The following CACNB4 variants were observed in gnomAD, a reference collection of about 807,000 sequenced individuals.
CACNB4 encodes voltage-dependent L-type calcium channel subunit beta-4.
CACNB4 carries 32 observed loss-of-function variants against 71.2 expected under a neutral mutation model. The observed-to-expected ratio is 0.45, with a 90% CI of 0.34 to 0.60. The LOEUF (loss-of-function observed/expected upper bound fraction) is 0.60. CACNB4 is among the 20% of genes least tolerant of loss of function. CACNB4 has a pLI of 0.01. For synonymous variants in CACNB4, 231 were observed against 236.9 expected (o/e 0.97, Z 0.23); for missense variants, 464 against 647.9 (o/e 0.72, Z 3.08).
intron 2 of CACNB4, among the ~76,000 whole-genome samples, chr2:151,921,828 TTC>T (rs1269842160): frequency 1.3e-4 from 20 of 152,016 alleles, no homozygotes; most frequent in Non-Finnish European, 1.5e-5. Context: ...CTTCGCCCTT[TTC>T]TCTCTCTCTC....
chr2:151,986,367 C>T (rs1681370290), intron 2 of CACNB4, among the ~76,000 whole-genome samples: 3 of 152,198 alleles, frequency 2.0e-5, no homozygotes, highest in Admixed American at 6.5e-5. Context: ...CCTTCCAACT[C>T]AAGAAGAGCC....
intron 2 of CACNB4, among the ~76,000 whole-genome samples, chr2:151,963,366 C>G (rs1368039800): frequency 1.3e-5 from 2 of 149,104 alleles, no homozygotes; most frequent in East Asian, 4.0e-4. Context: ...ACTTCTACTA[C>G]AGATTGCGTC....
rs530854426 is a variant in CACNB4 at position 152,039,219 on chromosome 2, C to T, written c.147+59111G>A. Among the ~76,000 whole-genome samples the T allele has an allele frequency of 1.1e-4, 16 of 152,152 alleles. No individual in the cohort carries two copies. The South Asian group carries it at 1.5e-3, about 14-fold the overall frequency. On this transcript the variant is annotated intron_variant, in intron 2 of 13. Coordinates refer to ENST00000539935, the MANE Select transcript of CACNB4 (RefSeq NM_000726.5). The stretch of plus-strand genomic sequence containing the variant: ...GGATCACGAGGTCAGGAGTTCAAGA[C>T]CAGACTGGCCAAGATGGTGAAACCC...
chr2:152,037,880 G>T (rs1001856207), intron 2 of CACNB4, among the ~76,000 whole-genome samples: 8 of 152,190 alleles, frequency 5.3e-5, no homozygotes, highest in African/African-American at 1.9e-4. Flanking sequence ...CATCCTTGGA[G>T]CTGCTCACCA....
In CACNB4 at chr2:152,098,906, A is replaced by AAGGAAGAGG. The variant is rs1688439767; in HGVS notation, c.63+34_63+42dup. The AAGGAAGAGG allele has an allele frequency of 4.1e-6, 5 of 1,225,634 alleles. No individual in the cohort carries two copies. The highest frequency in any genetic ancestry group is 1.6e-5 in the African/African-American group (1 of 62,930). The allele number at this position is 1,225,634 out of a possible 1,614,324, so 75.9% of individuals were successfully genotyped here. On this transcript the variant is annotated intron_variant, in intron 1 of 13. Coordinates refer to ENST00000539935, the MANE Select transcript of CACNB4 (RefSeq NM_000726.5). This position sits in a 1 kb window ranked among gnomAD's most constrained non-coding sequence, Gnocchi z 5.3. ...CTAGGGCGGCGGAGGAGGTGTGAGG[A>AAGGAAGAGG]AGGAAGAGGAGGAAGAGGAGAAGGG...
chr2:151,902,655 T>C (rs1171684569), intron 2 of CACNB4, among the ~76,000 whole-genome samples: 1 of 151,938 alleles, frequency 6.6e-6, no homozygotes, highest in Non-Finnish European at 1.5e-5. Flanking sequence ...CAGTTCTAGC[T>C]TTCTTCTTGG....
Position 152,096,041 on chromosome 2 carries a change from T to C in CACNB4, c.147+2289A>G, listed in dbSNP as rs191940875. On this transcript the variant is annotated intron_variant, in intron 2 of 13. Coordinates refer to ENST00000539935, the MANE Select transcript of CACNB4 (RefSeq NM_000726.5). Reference sequence around the variant, plus strand: ...GATTTCAATTTTATCCGAAAGTTATTGTTAAACTGCATTTGTAATCATTTT... The same window carrying C: ...GATTTCAATTTTATCCGAAAGTTATCGTTAAACTGCATTTGTAATCATTTT... Among the ~76,000 whole-genome samples, 239 of 152,344 alleles carry C rather than the reference T, an allele frequency of 1.6e-3. 1 individual carries two copies. The highest frequency in any genetic ancestry group is 3.4e-3 in the Middle Eastern group (1 of 294).
rs755945703 is a variant in CACNB4 at position 151,855,188 on chromosome 2, C to A, written c.1020+36G>T. 3 of 1,421,716 alleles carry A rather than the reference C, an allele frequency of 2.1e-6. No homozygotes were observed. In the South Asian group the frequency reaches 4.7e-5, roughly 22 times the overall value. 88.1% of individuals were successfully genotyped at this position (1,421,716 alleles called of 1,614,324 possible). A position where few individuals can be genotyped will look rare whatever the true frequency, so the allele number is the denominator to read the frequency against. ...GAGCAAAACACATTTTTAAAAGATG[C>A]ACTTCTAAACCTTAAGGCAGAAAGG... is the stretch of plus-strand genomic sequence containing the variant. On this transcript the variant is annotated intron_variant, in intron 11 of 13. Transcript: ENST00000539935.
At chr2:151,914,148 T>C (rs545015899) in intron 2 of CACNB4, among the ~76,000 whole-genome samples, 1 of 152,330 alleles carries the variant, frequency 6.6e-6, no homozygotes, top group African/African-American at 2.4e-5. Context: ...CGAATTCCCA[T>C]ATTTCTTGGA....
chr2:151,917,194 A>T (rs1475211978), intron 2 of CACNB4, among the ~76,000 whole-genome samples: 1 of 152,220 alleles, frequency 6.6e-6, no homozygotes, highest in African/African-American at 2.4e-5. Flanking sequence ...TTTGGGTCAT[A>T]TGCCCCTTGA....
intron 12 of CACNB4, among the ~76,000 whole-genome samples, chr2:151,847,425 T>C (rs2099837889): frequency 6.6e-6 from 1 of 152,078 alleles, no homozygotes; most frequent in South Asian, 2.1e-4. Context: ...TTCAGTAAAA[T>C]CAAACGGCTG....
At chr2:151,999,810 T>C (rs1242424518) in intron 2 of CACNB4, among the ~76,000 whole-genome samples, 2 of 152,216 alleles carry the variant, frequency 1.3e-5, no homozygotes, top group African/African-American at 4.8e-5. Context: ...TCTATCAGTG[T>C]GTGCTTTGTT....
At chr2:151,945,903 G>A (rs760750624) in intron 2 of CACNB4, among the ~76,000 whole-genome samples, 1 of 150,004 alleles carries the variant, frequency 6.7e-6, no homozygotes, top group African/African-American at 2.5e-5. Context: ...AGAATTACAT[G>A]TGTGTGTGCG....
intron 12 of CACNB4, among the ~76,000 whole-genome samples, chr2:151,847,437 A>C (rs1352156819): frequency 6.6e-6 from 1 of 152,186 alleles, no homozygotes; most frequent in Non-Finnish European, 1.5e-5. Context: ...AAACGGCTGA[A>C]TGGTACAACA....
intron 2 of CACNB4, among the ~76,000 whole-genome samples, chr2:152,067,395 G>A (rs957692259): frequency 6.6e-6 from 1 of 151,174 alleles, no homozygotes; most frequent in Non-Finnish European, 1.5e-5. Flanking sequence ...GTGTGGGGGG[G>A]GGGGTGCCTC....
chr2:152,037,907 G>A (rs1274696300), intron 2 of CACNB4, among the ~76,000 whole-genome samples: 1 of 152,186 alleles, frequency 6.6e-6, no homozygotes, highest in Non-Finnish European at 1.5e-5. Flanking sequence ...ACAGCAGGGA[G>A]CTGGCCGGGC....
At chr2:152,064,491 C>T (rs943634298) in intron 2 of CACNB4, among the ~76,000 whole-genome samples, 2 of 152,206 alleles carry the variant, frequency 1.3e-5, no homozygotes, top group African/African-American at 4.8e-5. Context: ...AGCGATTCTC[C>T]TGCCTCAGCC....
chr2:151,875,967 G>T (rs1290898418), intron 5 of CACNB4, among the ~76,000 whole-genome samples: 1 of 129,982 alleles, frequency 7.7e-6, no homozygotes, highest in African/African-American at 2.9e-5. Flanking sequence ...CTGGCCGGGC[G>T]GGGGGCTGAC....
intron 2 of CACNB4, among the ~76,000 whole-genome samples, chr2:151,943,599 G>C (rs574047707): frequency 6.6e-6 from 1 of 152,194 alleles, no homozygotes; most frequent in African/African-American, 2.4e-5. Flanking sequence ...AGGGAATGTG[G>C]TTTTAACTGA....
Sources: gnomAD v4.1 joint callset for allele counts (sites outside exome capture counted in the v4.1 genomes callset) on GRCh38, gnomAD v4.1.1 for gene constraint, Gnocchi (gnomAD v3.1) non-coding constraint, MANE v1.5 for transcripts, NCBI Gene and HGNC (gene_info 2026-07-23, HGNC 2026-07-21) for gene names.